Variants in SUGCT observed in about 807,000 individuals in gnomAD.
SUGCT encodes succinyl-CoA:glutarate-CoA transferase, also known as succinyl-CoA:glutarate CoA-transferase.
SUGCT carries 41 observed loss-of-function variants against 55.0 expected under a neutral mutation model. That is an observed-to-expected ratio of 0.74 (90% CI 0.58 to 0.97). The LOEUF is 0.97. Among genes scored for constraint, SUGCT ranks in the 50% least tolerant of loss-of-function variants. SUGCT has a pLI of 0.00. For synonymous variants in SUGCT, 187 were observed against 200.4 expected (o/e 0.93, Z 0.56); for missense variants, 568 against 547.8 (o/e 1.04, Z -0.37).
At chr7:41,000,244 A>G in the SUGCT span, among the ~76,000 whole-genome samples, 1 of 152,080 alleles carries the variant, frequency 6.6e-6, no homozygotes, top group African/African-American at 2.4e-5. Flanking sequence ...GCATGAACAC[A>G]TGTGCAAACA....
At chr7:40,464,674 T>C (rs1280435300) in intron 11 of SUGCT, among the ~76,000 whole-genome samples, 5 of 152,150 alleles carry the variant, frequency 3.3e-5, no homozygotes, top group Non-Finnish European at 7.4e-5. Flanking sequence ...GCTACAAAAA[T>C]TAAAATTAAA....
intron 9 of SUGCT, among the ~76,000 whole-genome samples, chr7:40,346,155 C>T (rs1410427804): frequency 6.6e-6 from 1 of 151,926 alleles, no homozygotes; most frequent in Non-Finnish European, 1.5e-5. Flanking sequence ...ATCTGTTAAA[C>T]TGTATAGGCC....
At chr7:40,226,644 G>A (rs1788381540) in intron 6 of SUGCT, among the ~76,000 whole-genome samples, 2 of 150,572 alleles carry the variant, frequency 1.3e-5, no homozygotes, top group South Asian at 4.2e-4. Context: ...ATGAGCATTA[G>A]TTCTAGTTTT....
chr7:40,842,020 T>A (rs978325904), intron 13 of SUGCT, among the ~76,000 whole-genome samples: 2 of 152,200 alleles, frequency 1.3e-5, no homozygotes, highest in African/African-American at 4.8e-5. Context: ...CAAAATATAC[T>A]GGGAAAGAAT....
chr7:40,573,510 C>T (rs1371224291), intron 12 of SUGCT, among the ~76,000 whole-genome samples: 2 of 152,140 alleles, frequency 1.3e-5, no homozygotes, highest in African/African-American at 4.8e-5. Context: ...CGCTCATGCA[C>T]ATACACACAT....
intron 1 of SUGCT, among the ~76,000 whole-genome samples, chr7:40,142,654 C>A (rs1348836744): frequency 6.6e-6 from 1 of 152,182 alleles, no homozygotes; most frequent in Non-Finnish European, 1.5e-5. Context: ...TCATTTACCC[C>A]TGAGTTGTTG....
intron 1 of SUGCT, among the ~76,000 whole-genome samples, chr7:40,161,989 C>G (rs557084693): frequency 1.3e-5 from 2 of 151,714 alleles, no homozygotes; most frequent in Non-Finnish European, 2.9e-5. Flanking sequence ...CTCCGCCTCC[C>G]GGGTTCAAGC....
chr7:40,864,044 C>A (rs1429996902), downstream of SUGCT, among the ~76,000 whole-genome samples: 1 of 152,200 alleles, frequency 6.6e-6, no homozygotes, highest in Non-Finnish European at 1.5e-5. Context: ...GCGTTTCTTA[C>A]TATCCCAGTA....
chr7:40,296,612 CGTGTGTGTGTGTGTGTGTGT>C (rs10528858), intron 8 of SUGCT, among the ~76,000 whole-genome samples: 66,345 of 144,754 alleles, frequency 0.46, 15,847 homozygotes, highest in Non-Finnish European at 0.55. Flanking sequence ...GTGAGTGACT[CGTGTGTGTGTGTGTGTGTGT>C]GTGTGTGTGT....
At chr7:40,250,828 CTTTTTTTTTTTT>C (rs67372014) in intron 7 of SUGCT, among the ~76,000 whole-genome samples, 9 of 121,266 alleles carry the variant, frequency 7.4e-5, no homozygotes, top group African/African-American at 1.5e-4. Context: ...TTTCACGCTT[CTTTTTTTTTTTT>C]TTTTTTTTTT....
intron 12 of SUGCT, among the ~76,000 whole-genome samples, chr7:40,659,174 A>C (rs934157144): frequency 1.3e-5 from 2 of 152,210 alleles, no homozygotes; most frequent in African/African-American, 4.8e-5. Context: ...TGCTTAACCG[A>C]ACAATGATAC....
intron 9 of SUGCT, among the ~76,000 whole-genome samples, chr7:40,410,020 G>A (rs1030834257): frequency 6.6e-6 from 1 of 151,742 alleles, no homozygotes; most frequent in Non-Finnish European, 1.5e-5. Context: ...ACATCTTTTG[G>A]GTGCTGTAGT....
chr7:40,192,945 A>G (rs527405099), intron 5 of SUGCT, among the ~76,000 whole-genome samples: 6 of 136,922 alleles, frequency 4.4e-5, no homozygotes, highest in African/African-American at 1.6e-4. Context: ...CCTGCAGTTT[A>G]TTTTCTTTAG....
At chr7:40,836,069 T>TA (rs1212565542) in intron 13 of SUGCT, among the ~76,000 whole-genome samples, 1 of 151,484 alleles carries the variant, frequency 6.6e-6, no homozygotes, top group African/African-American at 2.4e-5. Context: ...TTTTTTAATT[T>TA]TTTTTTTTTA....
chr7:40,991,294 T>C, the SUGCT span, among the ~76,000 whole-genome samples: 55 of 152,296 alleles, frequency 3.6e-4, no homozygotes, highest in Non-Finnish European at 4.7e-4. Flanking sequence ...CCAACATTTA[T>C]TAATCAGATT....
In SUGCT at chr7:40,847,460, A is replaced by G. The variant is rs191439944; in HGVS notation, c.1154-12856A>G. ...GAGATGGAGTCTCACTTTATCACCC[A>G]TGCTGGAGTGCAGTGGTGCGATCTC... On this transcript the variant is annotated intron_variant, in intron 13 of 13. Transcript: ENST00000335693. 6.6e-5 allele frequency among the ~76,000 whole-genome samples: 8 copies of G among 122,136 alleles called. No homozygotes were observed. In the East Asian group the frequency reaches 2.0e-3, roughly 31 times the overall value. The allele number at this position is 122,136 out of a possible 152,430, so 80.1% of individuals were successfully genotyped here.
chr7:40,896,210 G>GA, the SUGCT span, among the ~76,000 whole-genome samples: 3 of 150,904 alleles, frequency 2.0e-5, no homozygotes, highest in South Asian at 2.1e-4. Flanking sequence ...TTACCTATTT[G>GA]AAAAAAAATA....
At chr7:40,959,922 G>A in the SUGCT span, among the ~76,000 whole-genome samples, 1 of 152,088 alleles carries the variant, frequency 6.6e-6, no homozygotes, top group African/African-American at 2.4e-5. Context: ...CCTTGGCTAG[G>A]GGAGGGAGTT....
At chr7:40,844,810 C>T (rs1200568316) in intron 13 of SUGCT, among the ~76,000 whole-genome samples, 1 of 152,178 alleles carries the variant, frequency 6.6e-6, no homozygotes, top group Non-Finnish European at 1.5e-5. Context: ...TGGTAGCTAG[C>T]ATTAGGCTGG....
Sources: allele counts gnomAD v4.1 joint callset (sites outside exome capture counted in the v4.1 genomes callset), GRCh38; gene constraint gnomAD v4.1.1; transcripts MANE v1.5; gene names NCBI Gene and HGNC (gene_info 2026-07-23, HGNC 2026-07-21).